Variants in SATB1 observed in about 807,000 individuals in gnomAD.
SATB1 encodes SATB homeobox 1, also known as DNA-binding protein SATB1.
A neutral mutation model predicts 86.9 loss-of-function variants in SATB1; 11 were observed. The ratio of observed to expected loss-of-function variants is 0.13; its 90% CI spans 0.08 to 0.21. SATB1 has a LOEUF of 0.21. SATB1 is among the 10% of genes least tolerant of loss of function. The pLI, the probability that SATB1 is intolerant of heterozygous loss-of-function variation, is 1.00. For missense variants in SATB1, 551 were observed against 937.6 expected, an observed-to-expected ratio of 0.59 and a Z score of 5.39; for synonymous variants, 357 against 357.2, an observed-to-expected ratio of 1.00 and a Z score of 0.01.
chr3:18,366,799 A>G (rs527528849), intron 9 of SATB1, among the ~76,000 whole-genome samples: 3 of 152,244 alleles, frequency 2.0e-5, no homozygotes, highest in African/African-American at 4.8e-5. Flanking sequence ...CCAACAATCA[A>G]TTCAACCCAT....
intron 2 of SATB1, among the ~76,000 whole-genome samples, chr3:18,419,459 G>C (rs953416247): frequency 5.3e-5 from 8 of 152,194 alleles, no homozygotes; most frequent in Non-Finnish European, 4.4e-5. Flanking sequence ...AAGGAGCAGT[G>C]AAGTCTGTAG....
intron 2 of SATB1, among the ~76,000 whole-genome samples, chr3:18,419,338 G>T (rs1163455176): frequency 6.6e-6 from 1 of 152,154 alleles, no homozygotes; most frequent in Non-Finnish European, 1.5e-5. Context: ...TTAAAGGGGA[G>T]AGCACTGGTC....
rs1291633909 is a variant in SATB1 at position 18,348,894 on chromosome 3, T to C, written c.*276A>G. On this transcript the variant is annotated 3_prime_UTR_variant, in exon 11 of 11. Coordinates refer to ENST00000338745, the MANE Select transcript of SATB1 (RefSeq NM_002971.6). ...AAACAAAAAACACTGGTTTCATGCTTACGGGGTACACACTTTGGTGCATCC... is the reference window on the plus strand; with the variant it reads ...AAACAAAAAACACTGGTTTCATGCTCACGGGGTACACACTTTGGTGCATCC... 2.2e-6 allele frequency: 1 copy of C among 446,428 alleles called. No individual in the cohort carries two copies. The highest frequency in any genetic ancestry group is 4.1e-5 in the East Asian group (1 of 24,288). The allele number at this position is 446,428 out of a possible 1,614,324, so 27.7% of individuals were successfully genotyped here.
intron 10 of SATB1, chr3:18,351,652 AGGT>A (rs1694367659): frequency 2.0e-6 from 1 of 506,284 alleles, no homozygotes; most frequent in Admixed American, 3.6e-5. Context: ...ATTAAAAAAT[AGGT>A]GGTGTTTTAA....
At chr3:18,418,675 A>C (rs922461706) in intron 2 of SATB1, among the ~76,000 whole-genome samples, 4 of 151,226 alleles carry the variant, frequency 2.6e-5, no homozygotes, top group African/African-American at 9.9e-5. Context: ...CTAAACAAAT[A>C]AAACCATTCA....
chr3:18,413,063 C>A (rs893836832), intron 5 of SATB1, among the ~76,000 whole-genome samples: 3 of 151,958 alleles, frequency 2.0e-5, no homozygotes, highest in Non-Finnish European at 4.4e-5. Flanking sequence ...TAGCCTAGTT[C>A]CATCACTTAA....
chr3:18,426,545 A>C (rs550722868), upstream of SATB1, among the ~76,000 whole-genome samples: 20 of 152,220 alleles, frequency 1.3e-4, no homozygotes, highest in Non-Finnish European at 2.8e-4. The surrounding 1 kb of genome is among the most constrained non-coding windows in gnomAD (Gnocchi z 4.2). Context: ...TATTTAGACA[A>C]TCTATTAAAT....
intron 4 of SATB1, 25 bp from the exon 5 acceptor site, chr3:18,415,259 G>A (rs760488123): frequency 1.2e-6 from 2 of 1,611,694 alleles, no homozygotes; most frequent in Non-Finnish European, 1.7e-6. Context: ...GATTAGAAAG[G>A]GGATTATTAC....
chr3:18,445,278 G>A (rs1699361832), intron 1 of SATB1: 3 of 984,276 alleles, frequency 3.0e-6, no homozygotes, highest in East Asian at 1.1e-4. Flanking sequence ...CCCGAGCCGA[G>A]CCGAGCCCGA....
At chr3:18,371,898 A>C (rs1435022752) in intron 9 of SATB1, among the ~76,000 whole-genome samples, 4 of 152,222 alleles carry the variant, frequency 2.6e-5, no homozygotes, top group African/African-American at 9.6e-5. Flanking sequence ...CTCAGTTTTA[A>C]GATTAATTCC....
chr3:18,390,487 G>C (rs1696600547), intron 7 of SATB1, among the ~76,000 whole-genome samples: 1 of 152,162 alleles, frequency 6.6e-6, no homozygotes, highest in Admixed American at 6.6e-5. Context: ...GCTAACCAGA[G>C]AGCTGTCTTG....
chr3:18,430,260 G>C (rs1204727647), upstream of SATB1, among the ~76,000 whole-genome samples: 2 of 152,098 alleles, frequency 1.3e-5, no homozygotes, highest in Non-Finnish European at 2.9e-5. Context: ...GAGTCTTAGA[G>C]GTGCTAAATG....
intron 2 of SATB1, chr3:18,417,327 AAC>A: frequency 1.8e-6 from 1 of 570,482 alleles, no homozygotes; most frequent in South Asian, 2.2e-5. Flanking sequence ...GCTCTAAATT[AAC>A]AGTGCATTTT....
chr3:18,432,799 T>A (rs1698930035), intron 2 of SATB1, among the ~76,000 whole-genome samples: 1 of 121,382 alleles, frequency 8.2e-6, no homozygotes. Flanking sequence ...CATATAAACA[T>A]TTTCAAAAAA....
chr3:18,375,709 T>C (rs1449605403), intron 9 of SATB1, among the ~76,000 whole-genome samples: 1 of 152,178 alleles, frequency 6.6e-6, no homozygotes, highest in Non-Finnish European at 1.5e-5. Context: ...CGGGTTTCTT[T>C]TGTTAGTGAT....
intron 7 of SATB1, among the ~76,000 whole-genome samples, chr3:18,390,619 A>C (rs1043765680): frequency 6.6e-6 from 1 of 152,168 alleles, no homozygotes; most frequent in Admixed American, 6.5e-5. Context: ...TTAAGCAGGC[A>C]AATTTCTCTC....
chr3:18,382,928 T>G (rs941695582), intron 8 of SATB1, among the ~76,000 whole-genome samples: 13 of 152,256 alleles, frequency 8.5e-5, no homozygotes, highest in African/African-American at 3.1e-4. Context: ...TGACTCAACC[T>G]TAAACTTGGT....
chr3:18,361,372 G>C (rs1368290687), intron 9 of SATB1, among the ~76,000 whole-genome samples: 3 of 152,242 alleles, frequency 2.0e-5, no homozygotes, highest in South Asian at 4.1e-4. Context: ...TTGGCACACA[G>C]TAACAGTATG....
chr3:18,426,478 T>A (rs1272790148), upstream of SATB1, among the ~76,000 whole-genome samples: 3 of 152,240 alleles, frequency 2.0e-5, no homozygotes, highest in African/African-American at 7.2e-5. The surrounding 1 kb of genome is among the most constrained non-coding windows in gnomAD (Gnocchi z 4.2). Context: ...TCTGCTGTAA[T>A]CTAGGGTAGG....
Sources: allele counts gnomAD v4.1 joint callset (sites outside exome capture counted in the v4.1 genomes callset), GRCh38; gene constraint gnomAD v4.1.1; non-coding constraint Gnocchi (gnomAD v3.1); transcripts MANE v1.5; gene names NCBI Gene and HGNC (gene_info 2026-07-23, HGNC 2026-07-21).